The following GBE1 variants were observed in gnomAD, a reference collection of about 807,000 sequenced individuals.
GBE1 encodes 1,4-alpha-glucan-branching enzyme.
A neutral mutation model predicts 88.8 loss-of-function variants in GBE1; 70 were observed. The observed-to-expected ratio is 0.79, with a 90% CI of 0.65 to 0.96. The LOEUF (loss-of-function observed/expected upper bound fraction) is 0.96, where lower values mean the gene tolerates loss of function less well. Among genes scored for constraint, GBE1 ranks in the 40% least tolerant of loss-of-function variants. The pLI, the probability that GBE1 is intolerant of heterozygous loss-of-function variation, is 0.00. For missense variants in GBE1, 872 were observed against 871.0 expected (o/e 1.00, Z -0.01); for synonymous variants, 284 against 300.1 (o/e 0.95, Z 0.56).
rs1396252504 is a variant in GBE1 at position 81,513,176 on chromosome 3, A to C, written c.1935-13949T>G. On this transcript the variant is annotated intron_variant, in intron 14 of 15. Coordinates refer to ENST00000429644, the MANE Select transcript of GBE1 (RefSeq NM_000158.4). ...AGGGTGGGTGAATTTTTCAGGGAAA[A>C]GTGCAAGAAAAATGAATAAATGGAT... Among the ~76,000 whole-genome samples, 4 of 151,678 alleles carry C rather than the reference A, an allele frequency of 2.6e-5. No individual in the cohort carries two copies. In the Admixed American group the frequency reaches 2.6e-4, roughly 10 times the overall value.
intron 12 of GBE1, among the ~76,000 whole-genome samples, chr3:81,577,651 C>G (rs938710807): frequency 8.6e-5 from 13 of 151,934 alleles, no homozygotes; most frequent in African/African-American, 3.1e-4. Flanking sequence ...AATTCAGAAC[C>G]ATAATTCCGG....
chr3:81,582,627 T>C (rs1373907233), intron 10 of GBE1, among the ~76,000 whole-genome samples: 1 of 152,030 alleles, frequency 6.6e-6, no homozygotes, highest in Non-Finnish European at 1.5e-5. Context: ...GCAACAGAAA[T>C]TCAATGGAAG....
intron 1 of GBE1, chr3:81,743,423 CACAATCATGAACACACAT>C: frequency 1.7e-6 from 1 of 604,110 alleles, no homozygotes; most frequent in Admixed American, 3.0e-5. Context: ...AAGGCACACA[CACAATCATGAACACACAT>C]ACACCCCCAC....
At chr3:81,685,093 G>C (rs1705413929) in intron 2 of GBE1, among the ~76,000 whole-genome samples, 1 of 152,292 alleles carries the variant, frequency 6.6e-6, no homozygotes, top group Non-Finnish European at 1.5e-5. Flanking sequence ...CATAGAGTAA[G>C]AAAATAATAA....
intron 2 of GBE1, among the ~76,000 whole-genome samples, chr3:81,687,123 A>G (rs1377577789): frequency 1.3e-5 from 2 of 152,200 alleles, no homozygotes; most frequent in Non-Finnish European, 2.9e-5. Context: ...AGCTCCCTAC[A>G]TGTTTGCTAT....
At chr3:81,562,321 T>C (rs1464154724) in intron 12 of GBE1, among the ~76,000 whole-genome samples, 1 of 152,124 alleles carries the variant, frequency 6.6e-6, no homozygotes, top group East Asian at 1.9e-4. Flanking sequence ...TCTGTTGTTT[T>C]CCTCTTTGTT....
At chr3:81,743,472 G>T in intron 1 of GBE1, 1 of 902,366 alleles carries the variant, frequency 1.1e-6, no homozygotes, top group Non-Finnish European at 1.7e-6. Context: ...CTAGTTTTAA[G>T]TTTTAACAGA....
At chr3:81,721,772 G>C (rs560377387) in intron 1 of GBE1, among the ~76,000 whole-genome samples, 2 of 152,152 alleles carry the variant, frequency 1.3e-5, no homozygotes, top group Admixed American at 6.5e-5. Flanking sequence ...TGAGATGCTT[G>C]TAAGAGTAGA....
At chr3:81,521,137 G>A (rs1702869212) in intron 14 of GBE1, among the ~76,000 whole-genome samples, 1 of 151,486 alleles carries the variant, frequency 6.6e-6, no homozygotes, top group Non-Finnish European at 1.5e-5. Flanking sequence ...GAAAATTGAT[G>A]TCTTGCTATT....
rs757933285 is a variant in GBE1 at position 81,581,222 on chromosome 3, C to T, written c.1389G>A (p.Thr463=). Residue 463 remains threonine, a synonymous_variant, in exon 11 of 16, where the codon ACG becomes ACA. Transcript: ENST00000429644. ...TTTCAAGGTAGCGCCTGTTTGTGAG[C>T]GTGTATACTATATCGCCCATGTTCC... ...EDWNMGDIVY[T]LTNRRYLEKC... is the part of the protein sequence containing the mutation. 3.6e-5 allele frequency: 58 copies of T among 1,606,312 alleles called. No homozygotes were observed. In the Admixed American group the frequency reaches 6.5e-4, roughly 18 times the overall value.
intron 14 of GBE1, among the ~76,000 whole-genome samples, chr3:81,534,424 A>C (rs1254471632): frequency 2.0e-5 from 3 of 152,058 alleles, no homozygotes; most frequent in Non-Finnish European, 4.4e-5. Flanking sequence ...CTCAGTAAGT[A>C]TCTATAAGGT....
rs1703919275 is a variant in GBE1, at chr3:81,594,030, T to A, written c.993-7A>T. ...GAATCTTAAAATTTCCCAGCTAAAA[T>A]ATAAGAGAAATATGTATTTAAGCAA... On this transcript the variant is annotated splice_polypyrimidine_tract_variant and splice_region_variant and intron_variant, in intron 7 of 15. Coordinates refer to ENST00000429644, the MANE Select transcript of GBE1 (RefSeq NM_000158.4). The A allele has an allele frequency of 7.5e-7, 1 of 1,340,646 alleles. No homozygotes were observed. The highest frequency in any genetic ancestry group is 1.0e-6 in the Non-Finnish European group (1 of 954,876). The allele number at this position is 1,340,646 out of a possible 1,614,324, so 83.0% of individuals were successfully genotyped here.
intron 1 of GBE1, among the ~76,000 whole-genome samples, chr3:81,756,483 T>C (rs982105168): frequency 6.6e-6 from 1 of 152,202 alleles, no homozygotes; most frequent in Admixed American, 6.5e-5. Context: ...TTCTACAGAC[T>C]GAGGAATACA....
Position 81,728,605 on chromosome 3 carries a change from C to CA in GBE1, c.144-22993dup, listed in dbSNP as rs559375545. Reference sequence around the variant, plus strand: ...CCATATATTGCAATGGATTATACAACAAAAATATATTCTAATTACTACTGG... The same window carrying CA: ...CCATATATTGCAATGGATTATACAACAAAAAATATATTCTAATTACTACTGG... On this transcript the variant is annotated intron_variant, in intron 1 of 15. Coordinates refer to ENST00000429644, the MANE Select transcript of GBE1 (RefSeq NM_000158.4). Among the ~76,000 whole-genome samples the CA allele has an allele frequency of 1.3e-4, 19 of 150,722 alleles. No homozygotes were observed. The South Asian group carries it at 2.9e-3, about 23-fold the overall frequency.
rs2107250538 is a variant in GBE1, at chr3:81,761,396, T to C, written c.122A>G (p.Tyr41Cys). ...LLEIDPYLKP[Y>C]AVDFQRRYKQ... ...GTACCTGCGCTGGAAGTCCACGGCG[T>C]AGGGCTTCAAGTACGGGTCGATCTC... The change falls in exon 1 of 16, where the codon TAC becomes TGC. Residue 41 changes from tyrosine (Y) to cysteine (C), a missense_variant. Physicochemically the swap from Tyr to Cys is radical, Grantham distance 194 (BLOSUM62 -2). Transcript: ENST00000429644. The C allele has an allele frequency of 6.2e-7, 1 of 1,612,542 alleles. No homozygotes were observed. Among genetic ancestry groups the C allele is most frequent in the Non-Finnish European group, 8.5e-7 (1 of 1,179,050 alleles).
chr3:81,671,113 G>A (rs1486852381), intron 2 of GBE1, 160 bp from the exon 3 acceptor site: 7 of 409,526 alleles, frequency 1.7e-5, no homozygotes, highest in Non-Finnish European at 2.6e-5. Flanking sequence ...TTTAGAAAAG[G>A]CAGGTTATTC....
chr3:81,695,696 A>C (rs985391288), intron 2 of GBE1, among the ~76,000 whole-genome samples: 2 of 152,192 alleles, frequency 1.3e-5, no homozygotes, highest in Admixed American at 6.5e-5. Context: ...AAAGAAATAA[A>C]ATAAATACAA....
At chr3:81,731,942 C>A (rs557344753) in intron 1 of GBE1, among the ~76,000 whole-genome samples, 2 of 152,208 alleles carry the variant, frequency 1.3e-5, no homozygotes, top group East Asian at 3.9e-4. Flanking sequence ...AGTCTAAAAT[C>A]TCTTCTTAAT....
chr3:81,498,998 C>A (rs1702550678), intron 15 of GBE1, 112 bp downstream of exon 15: 2 of 683,730 alleles, frequency 2.9e-6, no homozygotes, highest in Non-Finnish European at 5.1e-6. Context: ...CCCTTTCCTT[C>A]ATGCTTTTTT....
Sources: allele counts gnomAD v4.1 joint callset (sites outside exome capture counted in the v4.1 genomes callset), GRCh38; gene constraint gnomAD v4.1.1; transcripts MANE v1.5; gene names NCBI Gene and HGNC (gene_info 2026-07-23, HGNC 2026-07-21).